Variants in ZNF550 observed in about 807,000 individuals in gnomAD.
ZNF550 encodes zinc finger protein 550.
A neutral mutation model predicts 40.2 loss-of-function variants in ZNF550; 42 were observed. That is an observed-to-expected ratio of 1.05 (90% CI 0.82 to 1.35). The LOEUF is 1.35. ZNF550 is among the 40% of genes most tolerant of loss of function. ZNF550 has a pLI of 0.00. For synonymous variants in ZNF550, 223 were observed against 198.6 expected (o/e 1.12, Z -1.03); for missense variants, 549 against 525.2 (o/e 1.05, Z -0.44).
intron 4 of ZNF550, chr19:57,544,174 A>G (rs2089987379): frequency 1.1e-5 from 11 of 985,458 alleles, no homozygotes; most frequent in Non-Finnish European, 1.2e-5. Flanking sequence ...CCACTCTTCT[A>G]AGTATGACCA....
exon 4 of ZNF550, chr19:57,546,851 A>G (rs2090014425): frequency 1.4e-6 from 2 of 1,424,634 alleles, no homozygotes; most frequent in South Asian, 3.3e-5. Flanking sequence ...GACAAAAAAA[A>G]TGAAAAGTTT....
exon 3 of ZNF550, chr19:57,552,690 G>C (rs777109195): frequency 1.2e-5 from 19 of 1,598,316 alleles, no homozygotes; most frequent in Non-Finnish European, 4.2e-6. Flanking sequence ...TGCTCTAGCA[G>C]GTGGACCAAC....
chr19:57,546,871 C>G, exon 4 of ZNF550: 1 of 1,450,230 alleles, frequency 6.9e-7, no homozygotes, highest in African/African-American at 1.4e-5. Flanking sequence ...TCCTGACATT[C>G]TTTGCATTCG....
intron 3 of ZNF550, among the ~76,000 whole-genome samples, chr19:57,551,084 A>G (rs532405091): frequency 3.9e-5 from 6 of 152,198 alleles, no homozygotes; most frequent in Non-Finnish European, 8.8e-5. Context: ...TTTTAAAAAA[A>G]GCAAGTTCCC....
chr19:57,552,593 C>T (rs2090082118), intron 3 of ZNF550, 34 bp downstream of exon 3: 6 of 1,514,476 alleles, frequency 4.0e-6, no homozygotes, highest in Non-Finnish European at 4.5e-6. Context: ...TGAAGACTGC[C>T]ATGACTCCAC....
chr19:57,552,275 G>A (rs980967232), intron 3 of ZNF550: 9 of 406,250 alleles, frequency 2.2e-5, no homozygotes, highest in Non-Finnish European at 3.9e-5. Flanking sequence ...TGTCAGTCCT[G>A]AGCATCTAGG....
intron 3 of ZNF550, among the ~76,000 whole-genome samples, chr19:57,548,971 G>C (rs1412945876): frequency 1.3e-5 from 2 of 152,168 alleles, no homozygotes; most frequent in African/African-American, 4.8e-5. Context: ...CATGGAGAGA[G>C]AGTAGTAAGA....
intron 1 of ZNF550, 98 bp downstream of exon 1, chr19:57,559,558 G>C: frequency 8.1e-7 from 1 of 1,232,466 alleles, no homozygotes. Flanking sequence ...CAACGGCAGG[G>C]ACTGCACTGA....
At chr19:57,547,121 G>T (rs765774236) in exon 4 of ZNF550, 1 of 1,612,970 alleles carries the variant, frequency 6.2e-7, no homozygotes, top group Non-Finnish European at 8.5e-7. Flanking sequence ...TTCCCACACT[G>T]GGTGCATTCA....
Position 57,559,623 on chromosome 19 carries a change from G to C in ZNF550, c.27+33C>G, listed in dbSNP as rs1160941647. The C allele has an allele frequency of 4.1e-6, 6 of 1,469,146 alleles. No individual in the cohort carries two copies. The Admixed American group carries it at 1.0e-4, about 25-fold the overall frequency. The allele number at this position is 1,469,146 out of a possible 1,614,324, so 91.0% of individuals were successfully genotyped here. On this transcript the variant is annotated intron_variant, in intron 1 of 4. Transcript: ENST00000457177. ...CGTCGGGCCCGGGACACTGAGGCCG[G>C]GTGGCCGCGGGGAGCCGAGCCAGTC... is the stretch of plus-strand genomic sequence containing the variant.
Position 57,552,681 on chromosome 19 carries a change from G to GCT in ZNF550, c.194_195dup (p.His66SerfsTer8). On this transcript the variant is annotated frameshift_variant, in exon 3 of 5. Transcript: ENST00000457177. LOFTEE classifies it high-confidence loss of function. ...TTCACTATCCACAGCTCCTGCCCAT[G>GCT]CTCTAGCAGGTGGACCAACTCTGGT... The GCT allele has an allele frequency of 6.3e-7, 1 of 1,598,428 alleles. No individual in the cohort carries two copies. The highest frequency in any genetic ancestry group is 8.5e-7 in the Non-Finnish European group (1 of 1,179,842).
chr19:57,552,680 T>C, exon 3 of ZNF550: 1 of 1,598,464 alleles, frequency 6.3e-7, no homozygotes, highest in Non-Finnish European at 8.5e-7. Context: ...CTCCTGCCCA[T>C]GCTCTAGCAG....
In ZNF550 at chr19:57,559,737, T is replaced by C. The variant is rs1037317293; in HGVS notation, c.-55A>G. 128 of 1,415,954 alleles carry C rather than the reference T, an allele frequency of 9.0e-5. 1 individual carries two copies. Among genetic ancestry groups the C allele is most frequent in the Non-Finnish European group, 1.2e-4 (125 of 1,069,562 alleles). 87.7% of individuals were successfully genotyped at this position (1,415,954 alleles called of 1,614,324 possible). A position where few individuals can be genotyped will look rare whatever the true frequency, so the allele number is the denominator to read the frequency against. ...GGCAGCTCCCACGGGCTCAAAACCCTACCCCGGGTCCTACAACGGTGCGGA... is the reference window on the plus strand; with the variant it reads ...GGCAGCTCCCACGGGCTCAAAACCCCACCCCGGGTCCTACAACGGTGCGGA... On this transcript the variant is annotated 5_prime_UTR_variant, in exon 1 of 5. Transcript: ENST00000457177.
intron 1 of ZNF550, chr19:57,557,491 C>T (rs2090133002): frequency 1.3e-5 from 2 of 152,062 alleles, no homozygotes; most frequent in Admixed American, 1.3e-4. Flanking sequence ...TGCCACATCC[C>T]CCTCATGGAG....
intron 1 of ZNF550, chr19:57,556,897 G>C (rs2090126585): frequency 6.4e-6 from 1 of 155,922 alleles, no homozygotes; most frequent in Non-Finnish European, 1.4e-5. Context: ...AATGGAGTTA[G>C]GGCTGTGCAG....
At chr19:57,552,924 TA>T in intron 2 of ZNF550, 2 of 550,390 alleles carry the variant, frequency 3.6e-6, no homozygotes, top group Non-Finnish European at 6.5e-6. Flanking sequence ...GTTGATGCCC[TA>T]ACACCCAACG....
intron 2 of ZNF550, chr19:57,555,900 C>T (rs1337681355): frequency 3.2e-6 from 1 of 317,450 alleles, no homozygotes; most frequent in Non-Finnish European, 6.0e-6. Flanking sequence ...GGCTGCCTGA[C>T]TCACCCCTTT....
At chr19:57,551,167 A>G (rs768415628) in intron 3 of ZNF550, among the ~76,000 whole-genome samples, 17 of 152,180 alleles carry the variant, frequency 1.1e-4, no homozygotes, top group Non-Finnish European at 2.1e-4. Flanking sequence ...TCTCCTCCAT[A>G]GAGGACAAGA....
exon 4 of ZNF550, chr19:57,547,609 A>C: frequency 6.2e-7 from 1 of 1,614,160 alleles, no homozygotes; most frequent in Non-Finnish European, 8.5e-7. Context: ...CTTCCTGTTA[A>C]AACCTTTCCC....
Sources: allele counts gnomAD v4.1 joint callset (sites outside exome capture counted in the v4.1 genomes callset), GRCh38; gene constraint gnomAD v4.1.1; transcripts MANE v1.5; gene names NCBI Gene and HGNC (gene_info 2026-07-23, HGNC 2026-07-21).